The following ICE1 variants were observed in gnomAD, a reference collection of about 807,000 sequenced individuals.
The protein encoded by ICE1 is interactor of little elongation complex ELL subunit 1, also known as little elongation complex subunit 1.
A neutral mutation model predicts 192.7 loss-of-function variants in ICE1; 64 were observed. The ratio of observed to expected loss-of-function variants is 0.33; its 90% confidence interval spans 0.27 to 0.41. ICE1 has a LOEUF of 0.41. Among genes scored for constraint, ICE1 ranks in the 10% least tolerant of loss-of-function variants. The pLI is 1.00. For missense variants in ICE1, 2,708 were observed against 2,696.0 expected (o/e 1.00, Z -0.10); for synonymous variants, 1,010 against 984.5 (o/e 1.03, Z -0.49).
At position 5,463,452 on chromosome 5, in the gene ICE1, G is replaced by T. The variant is rs746674296; in HGVS notation, c.4118G>T (p.Cys1373Phe). The T allele has an allele frequency of 6.2e-7, 1 of 1,612,688 alleles. No homozygotes were observed. The highest frequency in any genetic ancestry group is 1.3e-5 in the African/African-American group (1 of 74,888). ...LPEPVEPSALCSDSVMEPSIE... is the reference protein window; with the variant it reads ...LPEPVEPSALFSDSVMEPSIE... ...GAACCTGTGGAGCCATCAGCCTTGT[G>T]CTCTGACTCTGTGATGGAGCCATCC... Residue 1373 changes from cysteine (C) to phenylalanine (F), a missense_variant, in exon 13 of 19, where the codon TGC becomes TTC. Coordinates refer to ENST00000296564, the MANE Select transcript of ICE1 (RefSeq NM_015325.3).
rs145032112 is a variant in ICE1 at position 5,462,502 on chromosome 5, C to T, written c.3168C>T (p.Pro1056=). 243 of 1,613,996 alleles carry T rather than the reference C, an allele frequency of 1.5e-4. No homozygotes were observed. In the African/African-American group the frequency reaches 2.3e-3, roughly 15 times the overall value. ...NGLWKLKSTT[P]GGALPECFGT... is the part of the protein sequence containing the mutation. ...TTTGGAAATTGAAATCTACAACTCCCGGTGGTGCTTTGCCTGAGTGTTTTG... is the reference window on the plus strand; with the variant it reads ...TTTGGAAATTGAAATCTACAACTCCTGGTGGTGCTTTGCCTGAGTGTTTTG... Residue 1056 remains proline (P), a synonymous_variant, in exon 13 of 19, where the codon CCC becomes CCT. Coordinates refer to ENST00000296564, the MANE Select transcript of ICE1 (RefSeq NM_015325.3).
intron 1 of ICE1, among the ~76,000 whole-genome samples, chr5:5,428,557 T>C (rs1737598409): frequency 6.6e-6 from 1 of 152,212 alleles, no homozygotes; most frequent in Admixed American, 6.5e-5. Context: ...ATTGTTAACA[T>C]GTTATTGCAT....
At position 5,464,409 on chromosome 5, in the gene ICE1, C is replaced by G. The variant is rs771094893; in HGVS notation, c.5075C>G (p.Ser1692Cys). 1.9e-6 allele frequency: 3 copies of G among 1,613,940 alleles called. No individual in the cohort carries two copies. The African/African-American group carries it at 4.0e-5, about 22-fold the overall frequency. The change falls in exon 13 of 19, where the codon TCT becomes TGT. Residue 1692 changes from serine to cysteine, a missense_variant. By Grantham distance (112) the Ser-to-Cys change is moderately radical (BLOSUM62 -1). Transcript: ENST00000296564. This position sits in a 1 kb window ranked among gnomAD's most constrained non-coding sequence, Gnocchi z 4.0. ...SPWPEDPRRASPPDPSPSPSA... is the reference protein window; with the variant it reads ...SPWPEDPRRACPPDPSPSPSA... ...TGGCCAGAGGACCCCAGACGTGCCTCTCCTCCAGATCCTTCTCCATCTCCA... is the reference window on the plus strand; with the variant it reads ...TGGCCAGAGGACCCCAGACGTGCCTGTCCTCCAGATCCTTCTCCATCTCCA...
At chr5:5,478,528 A>G (rs532938780) in intron 17 of ICE1, among the ~76,000 whole-genome samples, 1 of 152,358 alleles carries the variant, frequency 6.6e-6, no homozygotes, top group African/African-American at 2.4e-5. Context: ...CACACTGCCC[A>G]AAGTAATTTA....
chr5:5,447,664 C>G lies in ICE1; in HGVS notation c.508-57C>G, dbSNP rs185221481. The G allele has an allele frequency of 6.7e-6, 10 of 1,491,528 alleles. No individual in the cohort carries two copies. The African/African-American group carries it at 1.3e-4, about 19-fold the overall frequency. 92.4% of individuals were successfully genotyped at this position (1,491,528 alleles called of 1,614,324 possible). On this transcript the variant is annotated intron_variant, in intron 8 of 18. Coordinates refer to ENST00000296564, the MANE Select transcript of ICE1 (RefSeq NM_015325.3). ...AAGTTGCACCTGTTTTACATTTGGTCTAGAATGGCTGCACTTCTTATTCAG... is the reference window on the plus strand; with the variant it reads ...AAGTTGCACCTGTTTTACATTTGGTGTAGAATGGCTGCACTTCTTATTCAG...
At chr5:5,459,879 CT>C (rs1738712809) in intron 12 of ICE1, among the ~76,000 whole-genome samples, 1 of 152,082 alleles carries the variant, frequency 6.6e-6, no homozygotes, top group Non-Finnish European at 1.5e-5. Flanking sequence ...AGGGAGAAAG[CT>C]TTGTAAGGGT....
intron 17 of ICE1, among the ~76,000 whole-genome samples, chr5:5,484,895 A>T (rs1739597985): frequency 6.6e-6 from 1 of 152,190 alleles, no homozygotes; most frequent in Admixed American, 6.5e-5. Flanking sequence ...AGCACATCCA[A>T]GATATGTTCG....
At chr5:5,480,318 C>T (rs980447537) in intron 17 of ICE1, among the ~76,000 whole-genome samples, 2 of 145,942 alleles carry the variant, frequency 1.4e-5, no homozygotes, top group Non-Finnish European at 3.0e-5. Flanking sequence ...GGCACCATCT[C>T]GGCTCACTGC....
chr5:5,429,629 T>C (rs1173579436), intron 1 of ICE1, among the ~76,000 whole-genome samples: 3 of 152,244 alleles, frequency 2.0e-5, no homozygotes, highest in African/African-American at 7.2e-5. Context: ...TTTATTTGTT[T>C]GCTATATTAT....
chr5:5,471,336 A>T (rs751185548), intron 15 of ICE1, among the ~76,000 whole-genome samples: 17 of 151,782 alleles, frequency 1.1e-4, no homozygotes, highest in Non-Finnish European at 1.9e-4. Context: ...TGAAAAGATG[A>T]TTAAAACTTT....
chr5:5,425,368 A>G (rs1737490133), intron 1 of ICE1, among the ~76,000 whole-genome samples: 1 of 152,234 alleles, frequency 6.6e-6, no homozygotes, highest in African/African-American at 2.4e-5. Context: ...ACTTGCTCAG[A>G]ACTGCTCAGC....
rs1167293754 is a variant in ICE1, at chr5:5,464,678, G to A, written c.5344G>A (p.Asp1782Asn). ...NIQLTRGPPA[D>N]CKNLPGPASA... ...TCAACTCACACGAGGTCCGCCTGCT[G>A]ACTGTAAGAATTTACCGGGACCTGC... The change falls in exon 13 of 19, where the codon GAC becomes AAC. Residue 1782 changes from aspartate to asparagine, a missense_variant. This residue lies in a region of ICE1 where 2,366 missense variants were observed against 2,276.6 expected (regional missense o/e 1.04). Transcript: ENST00000296564. The surrounding 1 kb of genome is among the most constrained non-coding windows in gnomAD (Gnocchi z 4.0). The A allele has an allele frequency of 2.2e-5, 35 of 1,613,806 alleles. No homozygotes were observed. The highest frequency in any genetic ancestry group is 2.7e-5 in the Non-Finnish European group (32 of 1,179,882).
intron 18 of ICE1, among the ~76,000 whole-genome samples, chr5:5,488,533 TTAACC>T (rs1417600221): frequency 6.6e-6 from 1 of 152,182 alleles, no homozygotes; most frequent in Non-Finnish European, 1.5e-5. Context: ...CCTAAATTGT[TTAACC>T]TAAATTATCT....
chr5:5,442,843 G>C (rs956845902), intron 5 of ICE1, among the ~76,000 whole-genome samples: 1 of 152,062 alleles, frequency 6.6e-6, no homozygotes. Context: ...TATTTATTAT[G>C]CTCTAATATT....
At position 5,446,875 on chromosome 5, in the gene ICE1, T is replaced by C. The variant is rs184368207; in HGVS notation, c.425-552T>C. Among the ~76,000 whole-genome samples, 33 of 152,328 alleles carry C rather than the reference T, an allele frequency of 2.2e-4. No individual in the cohort carries two copies. The East Asian group carries it at 6.2e-3, about 29-fold the overall frequency. ...CTGGTCAGATTCTTAATAGTATGTC[T>C]GGACCATTTGAGGCTTCAGAAACAA... On this transcript the variant is annotated intron_variant, in intron 7 of 18. Coordinates refer to ENST00000296564, the MANE Select transcript of ICE1 (RefSeq NM_015325.3).
intron 1 of ICE1, among the ~76,000 whole-genome samples, chr5:5,425,556 G>C (rs1271854218): frequency 6.6e-6 from 1 of 152,176 alleles, no homozygotes; most frequent in African/African-American, 2.4e-5. Flanking sequence ...CCTTTTTAGG[G>C]GAAAGTTACG....
rs1307537582 is a variant in ICE1, at chr5:5,443,231, A to G, written c.373A>G (p.Lys125Glu). ...TGCTCGTGTAAAGGAAGAATGCTTG[A>G]AGAGTGATGCTCAGTAAGTAGTTAC... ...EYARVKEECL[K>E]SDAQKKKLEA... Residue 125 changes from lysine (K) to glutamate (E), a missense_variant, in exon 6 of 19, where the codon AAG becomes GAG. Transcript: ENST00000296564. The G allele has an allele frequency of 1.3e-5, 19 of 1,496,600 alleles. No individual in the cohort carries two copies. The highest frequency in any genetic ancestry group is 1.5e-5 in the Non-Finnish European group (17 of 1,112,204). The allele number at this position is 1,496,600 out of a possible 1,614,324, so 92.7% of individuals were successfully genotyped here.
chr5:5,469,964 C>T (rs1002368409), intron 15 of ICE1, among the ~76,000 whole-genome samples: 3 of 152,152 alleles, frequency 2.0e-5, no homozygotes, highest in Admixed American at 6.5e-5. Flanking sequence ...CTGCCAGCTT[C>T]CGGAGAGTTA....
intron 5 of ICE1, among the ~76,000 whole-genome samples, chr5:5,441,765 C>G (rs1353429493): frequency 6.6e-6 from 1 of 152,150 alleles, no homozygotes; most frequent in Admixed American, 6.5e-5. Flanking sequence ...TAAGCAATGT[C>G]TGTATACTTT....
Sources: allele counts gnomAD v4.1 joint callset (sites outside exome capture counted in the v4.1 genomes callset), GRCh38; gene constraint gnomAD v4.1.1; regional missense constraint gnomAD v4.1.1; non-coding constraint Gnocchi (gnomAD v3.1); transcripts MANE v1.5; gene names NCBI Gene and HGNC (gene_info 2026-07-23, HGNC 2026-07-21).